The following PEBP1 variants were observed in gnomAD, a reference collection of about 807,000 sequenced individuals.
PEBP1 encodes the protein phosphatidylethanolamine-binding protein 1.
In PEBP1, 17 loss-of-function variants were observed where a neutral mutation model predicts 22.7. The ratio of observed to expected loss-of-function variants is 0.75; its 90% CI spans 0.51 to 1.12. The LOEUF (loss-of-function observed/expected upper bound fraction) is 1.12. Among genes scored for constraint, PEBP1 ranks in the 50% most tolerant of loss-of-function variants. PEBP1 has a pLI of 0.00. For synonymous variants in PEBP1, 106 were observed against 104.3 expected, an observed-to-expected ratio of 1.02 and a Z score of -0.10; for missense variants, 205 against 243.5, an observed-to-expected ratio of 0.84 and a Z score of 1.05.
chr12:118,141,987 C>A (rs79705369), intron 3 of PEBP1, among the ~76,000 whole-genome samples: 1,899 of 152,132 alleles, frequency 0.012, 39 homozygotes, highest in African/African-American at 0.042. Flanking sequence ...GTTTAAACTT[C>A]TGTGTATTAT....
At chr12:118,140,498 T>G (rs2034104868) in intron 3 of PEBP1, among the ~76,000 whole-genome samples, 1 of 152,140 alleles carries the variant, frequency 6.6e-6, no homozygotes, top group African/African-American at 2.4e-5. Flanking sequence ...TATGGGAAGC[T>G]TACCCATGAG....
intron 2 of PEBP1, 34 bp from the exon 3 acceptor site, chr12:118,139,417 C>T (rs1566199624): frequency 1.4e-6 from 2 of 1,456,398 alleles, no homozygotes; most frequent in Non-Finnish European, 1.9e-6. Context: ...CCCTGATCTC[C>T]TGTGGTGCTG....
intron 3 of PEBP1, 58 bp downstream of exon 3, chr12:118,139,609 ATTGACCCAATGCTTTTCTT>A: frequency 9.7e-7 from 1 of 1,034,196 alleles, no homozygotes; most frequent in Non-Finnish European, 1.5e-6. Context: ...GCACATTAGG[ATTGACCCAATGCTTTTCTT>A]TTGAGAGCCC....
In PEBP1 at chr12:118,145,427, T is replaced by C. The variant is rs1051470; in HGVS notation, c.*624T>C. 105,164 of 161,264 alleles carry C rather than the reference T, an allele frequency of 0.65. 34,724 individuals carry two copies. Among genetic ancestry groups the C allele is most frequent in the South Asian group, 0.74 (4,394 of 5,928 alleles). The allele number at this position is 161,264 out of a possible 1,614,324, so 10.0% of individuals were successfully genotyped here. ...GTTGGGACATGGCAATCTAGACCGGTAGCAGCGCTCGCTGACAGCTTGGGA... is the reference window on the plus strand; with the variant it reads ...GTTGGGACATGGCAATCTAGACCGGCAGCAGCGCTCGCTGACAGCTTGGGA... On this transcript the variant is annotated 3_prime_UTR_variant, in exon 4 of 4. Coordinates refer to ENST00000261313, the MANE Select transcript of PEBP1 (RefSeq NM_002567.4).
chr12:118,140,307 G>A (rs2034103202), intron 3 of PEBP1, among the ~76,000 whole-genome samples: 1 of 152,116 alleles, frequency 6.6e-6, no homozygotes, highest in Non-Finnish European at 1.5e-5. Flanking sequence ...GAGTTAACAT[G>A]AAGAGGTACA....
chr12:118,144,680 C>T lies in PEBP1; in HGVS notation c.441C>T (p.Gly147=). 1 of 1,614,120 alleles carries T rather than the reference C, an allele frequency of 6.2e-7. No individual in the cohort carries two copies. Among genetic ancestry groups the T allele is most frequent in the Non-Finnish European group, 8.5e-7 (1 of 1,180,030 alleles). ...GCAACCGATCTGGAGACCACCGTGG[C>T]AAATTCAAGGTGGCGTCCTTCCGTA... The part of the protein sequence containing the change: ...ILSNRSGDHR[G]KFKVASFRKK... Residue 147 remains glycine (G), a synonymous_variant, in exon 4 of 4, where the codon GGC becomes GGT. Transcript: ENST00000261313.
intron 3 of PEBP1, 132 bp from the exon 4 acceptor site, chr12:118,144,454 G>A: frequency 1.2e-6 from 1 of 825,262 alleles, no homozygotes. Flanking sequence ...ATACCTGTCT[G>A]GACCCTCGGT....
intron 1 of PEBP1, among the ~76,000 whole-genome samples, chr12:118,137,389 T>C: frequency 6.6e-6 from 1 of 151,938 alleles, no homozygotes; most frequent in Admixed American, 6.6e-5. Context: ...ACCCCAACTC[T>C]ACAAAAAAAA....
At chr12:118,138,282 C>G (rs1276759731) in intron 2 of PEBP1, 134 bp downstream of exon 2, 5 of 662,608 alleles carry the variant, frequency 7.5e-6, no homozygotes, top group Admixed American at 4.4e-5. Flanking sequence ...AGTGCCTTTC[C>G]TGCCCTTTTG....
At chr12:118,139,941 A>G (rs1192563591) in intron 3 of PEBP1, among the ~76,000 whole-genome samples, 1 of 152,176 alleles carries the variant, frequency 6.6e-6, no homozygotes, top group African/African-American at 2.4e-5. Flanking sequence ...TTCAGAAATG[A>G]TCATAGTTTC....
intron 3 of PEBP1, among the ~76,000 whole-genome samples, chr12:118,142,511 C>CT (rs1201295185): frequency 1.8e-4 from 27 of 151,384 alleles, no homozygotes; most frequent in African/African-American, 6.3e-4. Context: ...CATCTTAACT[C>CT]TTTTTTTGAG....
intron 3 of PEBP1, among the ~76,000 whole-genome samples, chr12:118,140,066 AC>A (rs2034101612): frequency 6.6e-6 from 1 of 152,184 alleles, no homozygotes; most frequent in Non-Finnish European, 1.5e-5. Context: ...GCACACACAC[AC>A]ACACACATTG....
rs534999990 is a variant in PEBP1, at chr12:118,138,213, T to C, written c.245+65T>C. The C allele has an allele frequency of 7.5e-5, 81 of 1,085,628 alleles. No homozygotes were observed. In the South Asian group the frequency reaches 1.0e-3, roughly 14 times the overall value. The allele number at this position is 1,085,628 out of a possible 1,614,324, so 67.2% of individuals were successfully genotyped here. On this transcript the variant is annotated intron_variant, in intron 2 of 3. Transcript: ENST00000261313. ...GATGAGTTATCGGGTGTAAGTCCCT[T>C]GCTGGACACAGAGAAGTAGACCTGG...
At chr12:118,139,273 C>T (rs546789103) in intron 2 of PEBP1, among the ~76,000 whole-genome samples, 178 bp from the exon 3 acceptor site, 6 of 150,858 alleles carry the variant, frequency 4.0e-5, no homozygotes, top group East Asian at 2.0e-4. Context: ...GATCGTGCCA[C>T]TGCATTCCAG....
Position 118,136,563 on chromosome 12 carries a change from G to C in PEBP1, c.135+219G>C, listed in dbSNP as rs1440815619. 6.6e-6 allele frequency among the ~76,000 whole-genome samples: 1 copy of C among 152,224 alleles called. No homozygotes were observed. The highest frequency in any genetic ancestry group is 2.4e-5 in the African/African-American group (1 of 41,464). Reference sequence around the variant, plus strand: ...CCTGTGGCGTGGCCAGGCAGGTTCGGCCTGCGGCAGAAATTCATTCACTTT... The same window carrying C: ...CCTGTGGCGTGGCCAGGCAGGTTCGCCCTGCGGCAGAAATTCATTCACTTT... On this transcript the variant is annotated intron_variant, in intron 1 of 3. Coordinates refer to ENST00000261313, the MANE Select transcript of PEBP1 (RefSeq NM_002567.4). This position sits in a 1 kb window ranked among gnomAD's most constrained non-coding sequence, Gnocchi z 5.6.
chr12:118,139,051 A>G (rs868518114), intron 2 of PEBP1: 2 of 217,992 alleles, frequency 9.2e-6, no homozygotes, highest in South Asian at 1.1e-4. Flanking sequence ...GCGGTGGCTC[A>G]TGCCTGTAAT....
In PEBP1 at chr12:118,136,237, G is replaced by T; in HGVS notation, c.28G>T (p.Gly10Trp). 1 of 1,546,978 alleles carries T rather than the reference G, an allele frequency of 6.5e-7. No individual in the cohort carries two copies. The change falls in exon 1 of 4, where the codon GGG (glycine) becomes TGG (tryptophan). Residue 10 changes from glycine to tryptophan, a missense_variant. By Grantham distance (184) the Gly-to-Trp change is radical. Transcript: ENST00000261313. This position sits in a 1 kb window ranked among gnomAD's most constrained non-coding sequence, Gnocchi z 5.6. ...GCCGGTGGACCTCAGCAAGTGGTCCGGGCCCTTGAGCCTGCAAGAAGTGGA... is the reference window on the plus strand; with the variant it reads ...GCCGGTGGACCTCAGCAAGTGGTCCTGGCCCTTGAGCCTGCAAGAAGTGGA... MPVDLSKWS[G>W]PLSLQEVDEQ...
rs754667884 is a variant in PEBP1, at chr12:118,144,770, G to T, written c.531G>T (p.Val177=). The change falls in exon 4 of 4, where the codon GTG becomes GTT. Residue 177 remains valine (V), a synonymous_variant. Coordinates refer to ENST00000261313, the MANE Select transcript of PEBP1 (RefSeq NM_002567.4). ...TCYQAEWDDY[V]PKLYEQLSGK ...ACCAGGCCGAGTGGGATGACTATGTGCCCAAACTGTACGAGCAGCTGTCTG... is the reference window on the plus strand; with the variant it reads ...ACCAGGCCGAGTGGGATGACTATGTTCCCAAACTGTACGAGCAGCTGTCTG... The T allele has an allele frequency of 7.4e-6, 12 of 1,614,036 alleles. No individual in the cohort carries two copies. The East Asian group carries it at 8.9e-5, about 12-fold the overall frequency.
intron 3 of PEBP1, among the ~76,000 whole-genome samples, chr12:118,141,167 A>T (rs1291703786): frequency 6.6e-6 from 1 of 150,832 alleles, no homozygotes; most frequent in Non-Finnish European, 1.5e-5. Flanking sequence ...CCCAGGCTGG[A>T]GTGCAATGGC....
Sources: gnomAD v4.1 joint callset for allele counts (sites outside exome capture counted in the v4.1 genomes callset) on GRCh38, gnomAD v4.1.1 for gene constraint, Gnocchi (gnomAD v3.1) non-coding constraint, MANE v1.5 for transcripts, NCBI Gene and HGNC (gene_info 2026-07-23, HGNC 2026-07-21) for gene names.